PSMB7: variants seen among roughly 807,000 people sequenced by gnomAD.
PSMB7 encodes proteasome 20S subunit beta 7.
Under a neutral mutation model 28.1 loss-of-function variants are expected in PSMB7, and 5 were observed. The ratio of observed to expected loss-of-function variants is 0.18; its 90% confidence interval spans 0.09 to 0.37. The LOEUF is 0.37. Among genes scored for constraint, PSMB7 ranks in the 10% least tolerant of loss-of-function variants. The probability of loss-of-function intolerance (pLI) is 1.00; values close to 1 mark genes in which losing one functional copy is unlikely to be tolerated. For synonymous variants in PSMB7, 122 were observed against 123.7 expected, an observed-to-expected ratio of 0.99 and a Z score of 0.09; for missense variants, 275 against 346.2, an observed-to-expected ratio of 0.79 and a Z score of 1.63.
intron 6 of PSMB7, among the ~76,000 whole-genome samples, chr9:124,378,543 C>T (rs75954895): frequency 6.6e-6 from 1 of 152,306 alleles, no homozygotes; most frequent in East Asian, 1.9e-4. Flanking sequence ...CACACCACTA[C>T]CCTTCAGCAG....
intron 6 of PSMB7, among the ~76,000 whole-genome samples, chr9:124,377,779 C>T (rs948441671): frequency 6.6e-6 from 1 of 152,338 alleles, no homozygotes; most frequent in African/African-American, 2.4e-5. Context: ...GTATACGTCA[C>T]CACCTATCTT....
At position 124,356,696 on chromosome 9, in the gene PSMB7, G is replaced by A; in HGVS notation, c.722+68C>T. 6.6e-7 allele frequency: 1 copy of A among 1,513,024 alleles called. No homozygotes were observed. The highest frequency in any genetic ancestry group is 9.0e-7 in the Non-Finnish European group (1 of 1,105,902). The allele number at this position is 1,513,024 out of a possible 1,614,324, so 93.7% of individuals were successfully genotyped here. On this transcript the variant is annotated intron_variant, in intron 7 of 7. Transcript: ENST00000259457. This position sits in a 1 kb window ranked among gnomAD's most constrained non-coding sequence, Gnocchi z 4.4. ...AGAACCAGGAAAACTCCATCCAGATGCCATGGAGATACCAAGGGTGGCCAC... is the reference window on the plus strand; with the variant it reads ...AGAACCAGGAAAACTCCATCCAGATACCATGGAGATACCAAGGGTGGCCAC...
At chr9:124,402,987 G>C (rs1228147418) in intron 5 of PSMB7, among the ~76,000 whole-genome samples, 2 of 152,036 alleles carry the variant, frequency 1.3e-5, no homozygotes, top group African/African-American at 4.8e-5. Context: ...CAACACAATG[G>C]CATAGCAAAG....
Position 124,405,685 on chromosome 9 carries a change from T to G in PSMB7, c.396-253A>C, listed in dbSNP as rs147816584. Among the ~76,000 whole-genome samples the G allele has an allele frequency of 2.0e-5, 3 of 152,052 alleles. No homozygotes were observed. The East Asian group carries it at 5.8e-4, about 29-fold the overall frequency. On this transcript the variant is annotated intron_variant, in intron 4 of 7. Transcript: ENST00000259457. ...TTCAGCTCAGCCTCACAGCCCCCATTATTATTATTTTTTTGAGACAGGGTC... is the reference window on the plus strand; with the variant it reads ...TTCAGCTCAGCCTCACAGCCCCCATGATTATTATTTTTTTGAGACAGGGTC...
intron 6 of PSMB7, among the ~76,000 whole-genome samples, chr9:124,382,928 A>G (rs1830682727): frequency 6.6e-6 from 1 of 152,206 alleles, no homozygotes. Context: ...CGGAAGTCCC[A>G]ATCAACTGGA....
chr9:124,369,412 A>G (rs1348013238), intron 6 of PSMB7, among the ~76,000 whole-genome samples: 1 of 152,182 alleles, frequency 6.6e-6, no homozygotes, highest in Non-Finnish European at 1.5e-5. Flanking sequence ...GCATCTCCCA[A>G]TTACACTGCA....
At chr9:124,402,225 C>A (rs1564685495) in intron 5 of PSMB7, among the ~76,000 whole-genome samples, 2 of 152,164 alleles carry the variant, frequency 1.3e-5, no homozygotes. Flanking sequence ...TCACCCGGAA[C>A]TCAAATGAGA....
chr9:124,399,110 C>G (rs866088351), intron 5 of PSMB7, among the ~76,000 whole-genome samples: 1 of 152,018 alleles, frequency 6.6e-6, no homozygotes, highest in Middle Eastern at 3.5e-3. Flanking sequence ...CAACTGCATT[C>G]CAGGGGTGCT....
At chr9:124,414,032 A>G in intron 2 of PSMB7, 27 bp from the exon 3 acceptor site, 1 of 1,499,558 alleles carries the variant, frequency 6.7e-7, no homozygotes, top group South Asian at 1.2e-5. Flanking sequence ...TTTTTAAACA[A>G]TTTTACAAAT....
At chr9:124,383,713 A>T (rs1288423367) in intron 6 of PSMB7, 1 of 152,220 alleles carries the variant, frequency 6.6e-6, no homozygotes, top group Non-Finnish European at 1.5e-5. Flanking sequence ...CGAAGTCAGA[A>T]ATGGCAAAAA....
chr9:124,414,841 C>T lies in PSMB7; in HGVS notation c.156+1G>A, dbSNP rs1351508592. On this transcript the variant is annotated splice_donor_variant, in intron 2 of 7. Coordinates refer to ENST00000259457, the MANE Select transcript of PSMB7 (RefSeq NM_002799.4). LOFTEE classifies it high-confidence loss of function. ...GCTGCTCTTAGCCTAACCCGGCTTACCTTATAGACCACCCCAGCGATGGTC... is the reference window on the plus strand; with the variant it reads ...GCTGCTCTTAGCCTAACCCGGCTTATCTTATAGACCACCCCAGCGATGGTC... The T allele has an allele frequency of 6.2e-7, 1 of 1,613,582 alleles. No homozygotes were observed. The highest frequency in any genetic ancestry group is 1.7e-5 in the Admixed American group (1 of 60,000).
At chr9:124,358,793 T>C (rs1243047905) in intron 6 of PSMB7, among the ~76,000 whole-genome samples, 1 of 152,262 alleles carries the variant, frequency 6.6e-6, no homozygotes, top group African/African-American at 2.4e-5. Context: ...TCCTCTGCTT[T>C]GTTTCTTATC....
At chr9:124,376,131 C>T (rs1415981556) in intron 6 of PSMB7, among the ~76,000 whole-genome samples, 1 of 140,758 alleles carries the variant, frequency 7.1e-6, no homozygotes, top group Non-Finnish European at 1.5e-5. Flanking sequence ...CCTCATTATT[C>T]AAATATGATA....
chr9:124,358,038 A>G (rs946375915), intron 6 of PSMB7, among the ~76,000 whole-genome samples: 2 of 152,198 alleles, frequency 1.3e-5, no homozygotes, highest in South Asian at 4.1e-4. Flanking sequence ...GGCTCCCTGA[A>G]AGCAGGGAAT....
At chr9:124,363,984 A>G (rs1305686295) in intron 6 of PSMB7, among the ~76,000 whole-genome samples, 1 of 152,152 alleles carries the variant, frequency 6.6e-6, no homozygotes, top group Non-Finnish European at 1.5e-5. Flanking sequence ...TGCCCTTCGT[A>G]AGTATGAGAA....
intron 5 of PSMB7, among the ~76,000 whole-genome samples, chr9:124,403,806 G>A (rs1830935698): frequency 6.6e-6 from 1 of 151,438 alleles, no homozygotes; most frequent in Non-Finnish European, 1.5e-5. Context: ...AGGTCAAAAT[G>A]TACCTGCCAA....
At chr9:124,415,179 G>C (rs753219736) in intron 1 of PSMB7, 185 bp downstream of exon 1, 171 of 674,896 alleles carry the variant, frequency 2.5e-4, no homozygotes, top group Non-Finnish European at 3.6e-4. Context: ...GAAGGTGGGA[G>C]AGCAGACCCG....
chr9:124,359,581 C>CA (rs1279719841), intron 6 of PSMB7, among the ~76,000 whole-genome samples: 4 of 152,204 alleles, frequency 2.6e-5, no homozygotes, highest in African/African-American at 7.2e-5. Context: ...GCCACAAGGC[C>CA]GCAGCACCAC....
intron 6 of PSMB7, among the ~76,000 whole-genome samples, chr9:124,357,568 G>C (rs192333604): frequency 2.7e-4 from 41 of 152,290 alleles, no homozygotes; most frequent in African/African-American, 8.9e-4. Context: ...GGAACCTATA[G>C]GTTCACTGAA....
Sources: gnomAD v4.1 joint callset for allele counts (sites outside exome capture counted in the v4.1 genomes callset) on GRCh38, gnomAD v4.1.1 for gene constraint, Gnocchi (gnomAD v3.1) non-coding constraint, MANE v1.5 for transcripts, NCBI Gene and HGNC (gene_info 2026-07-23, HGNC 2026-07-21) for gene names.